The following SSBP2 variants were observed in gnomAD, a reference collection of about 807,000 sequenced individuals.
The protein encoded by SSBP2 is single stranded DNA binding protein 2, also known as single-stranded DNA-binding protein 2.
SSBP2 carries 17 observed loss-of-function variants against 61.8 expected under a neutral mutation model. The observed-to-expected ratio is 0.28, with a 90% CI of 0.19 to 0.41. The LOEUF (loss-of-function observed/expected upper bound fraction) is 0.41, where lower values mean the gene tolerates loss of function less well. Ranked by LOEUF, SSBP2 falls within the 10% of genes least tolerant of loss-of-function variation. The pLI is 1.00. For missense variants in SSBP2, 310 were observed against 458.7 expected (o/e 0.68, Z 2.96); for synonymous variants, 139 against 141.3 (o/e 0.98, Z 0.12).
At chr5:81,639,104 A>C (rs761367065) in intron 2 of SSBP2, among the ~76,000 whole-genome samples, 38 of 152,154 alleles carry the variant, frequency 2.5e-4, no homozygotes, top group Non-Finnish European at 8.8e-5. Context: ...TCACCCAGAA[A>C]CTTGCAAGAG....
At chr5:81,483,837 A>C (rs1766183156) in intron 6 of SSBP2, among the ~76,000 whole-genome samples, 1 of 152,136 alleles carries the variant, frequency 6.6e-6, no homozygotes, top group African/African-American at 2.4e-5. Flanking sequence ...TGCTGTTCAA[A>C]TTAAAAGCTC....
At chr5:81,571,943 C>G (rs1479684984) in intron 4 of SSBP2, among the ~76,000 whole-genome samples, 1 of 152,066 alleles carries the variant, frequency 6.6e-6, no homozygotes, top group Admixed American at 6.5e-5. Context: ...TTATACTTTT[C>G]CATGCCTTCC....
chr5:81,668,730 A>G (rs180706650), intron 1 of SSBP2, among the ~76,000 whole-genome samples: 1 of 152,204 alleles, frequency 6.6e-6, no homozygotes, highest in African/African-American at 2.4e-5. Context: ...TTACAAAAAA[A>G]TTTTGGAATA....
At chr5:81,704,959 T>C (rs999205041) in intron 1 of SSBP2, among the ~76,000 whole-genome samples, 6 of 152,116 alleles carry the variant, frequency 3.9e-5, no homozygotes, top group Admixed American at 1.3e-4. Flanking sequence ...ATATCACATT[T>C]CCAAATCTAT....
intron 4 of SSBP2, among the ~76,000 whole-genome samples, chr5:81,594,284 A>G (rs1249223387): frequency 2.0e-5 from 3 of 152,216 alleles, no homozygotes; most frequent in Non-Finnish European, 2.9e-5. Flanking sequence ...TTCAACAAGA[A>G]GAGCTAACTA....
chr5:81,582,561 G>C (rs1196564029), intron 4 of SSBP2, among the ~76,000 whole-genome samples: 2 of 152,110 alleles, frequency 1.3e-5, no homozygotes, highest in African/African-American at 4.8e-5. Flanking sequence ...GCTGAAACTT[G>C]ATAGTAAACA....
chr5:81,739,308 C>T (rs2154014836), intron 1 of SSBP2, among the ~76,000 whole-genome samples: 1 of 152,158 alleles, frequency 6.6e-6, no homozygotes, highest in African/African-American at 2.4e-5. Flanking sequence ...CTATATCATA[C>T]CTTTTAATGC....
At chr5:81,428,758 T>C (rs966495607) in intron 15 of SSBP2, 75 bp from the exon 16 acceptor site, 17 of 981,184 alleles carry the variant, frequency 1.7e-5, no homozygotes, top group Admixed American at 1.8e-5. Context: ...GTTTCGAATA[T>C]TGAAACAGCA....
chr5:81,515,647 G>A (rs982561861), intron 4 of SSBP2, among the ~76,000 whole-genome samples: 1 of 151,468 alleles, frequency 6.6e-6, no homozygotes, highest in Non-Finnish European at 1.5e-5. Flanking sequence ...AAAGAAACAT[G>A]TAAAATTCAC....
intron 5 of SSBP2, 72 bp from the exon 6 acceptor site, chr5:81,489,381 C>G: frequency 7.8e-7 from 1 of 1,289,586 alleles, no homozygotes; most frequent in Non-Finnish European, 1.1e-6. Flanking sequence ...TGAAAATAAA[C>G]TACTTAAAAA....
intron 3 of SSBP2, among the ~76,000 whole-genome samples, chr5:81,626,221 T>G (rs149482161): frequency 1.3e-5 from 2 of 152,256 alleles, no homozygotes; most frequent in Non-Finnish European, 2.9e-5. Flanking sequence ...TTCACTTTTA[T>G]AAAATTCTCA....
intron 5 of SSBP2, among the ~76,000 whole-genome samples, chr5:81,497,380 C>G (rs10041030): frequency 0.45 from 67,787 of 151,950 alleles, 19,190 homozygotes; most frequent in African/African-American, 0.81. Flanking sequence ...TATTTGGTTG[C>G]TTCAGTAGCT....
At chr5:81,580,369 C>A (rs2153472757) in intron 4 of SSBP2, among the ~76,000 whole-genome samples, 1 of 152,092 alleles carries the variant, frequency 6.6e-6, no homozygotes, top group East Asian at 1.9e-4. Flanking sequence ...GTGGTTATAT[C>A]CTTGACAGTG....
intron 1 of SSBP2, among the ~76,000 whole-genome samples, chr5:81,700,202 G>A (rs1753883198): frequency 1.3e-5 from 2 of 152,044 alleles, no homozygotes; most frequent in African/African-American, 4.8e-5. Context: ...TAATCCATAG[G>A]TTACAGAATG....
intron 4 of SSBP2, among the ~76,000 whole-genome samples, chr5:81,526,277 T>C (rs115529537): frequency 6.6e-6 from 1 of 152,028 alleles, no homozygotes; most frequent in Non-Finnish European, 1.5e-5. Flanking sequence ...GCATCTAATA[T>C]AACATATTTC....
At chr5:81,534,674 A>T (rs1770678534) in intron 4 of SSBP2, among the ~76,000 whole-genome samples, 1 of 152,138 alleles carries the variant, frequency 6.6e-6, no homozygotes, top group Admixed American at 6.6e-5. Flanking sequence ...GTCAAGAGAA[A>T]AAAGACTTAA....
chr5:81,597,202 T>C (rs1418414304), intron 4 of SSBP2, among the ~76,000 whole-genome samples: 1 of 152,076 alleles, frequency 6.6e-6, no homozygotes, highest in Admixed American at 6.5e-5. Flanking sequence ...GGGTGAAGGA[T>C]ATGAACAGAC....
chr5:81,510,091 T>C (rs887217716), intron 5 of SSBP2, among the ~76,000 whole-genome samples: 5 of 152,206 alleles, frequency 3.3e-5, no homozygotes, highest in Non-Finnish European at 5.9e-5. Flanking sequence ...TCTCATTCTG[T>C]ACTTTCTCCC....
At chr5:81,751,394 C>T (rs1463598688), upstream of SSBP2, 1 of 403,594 alleles carries the variant, frequency 2.5e-6, no homozygotes, top group African/African-American at 2.0e-5. Context: ...AGAAACTGCT[C>T]TAGAAGGATT....
Sources: gnomAD v4.1 joint callset for allele counts (sites outside exome capture counted in the v4.1 genomes callset) on GRCh38, gnomAD v4.1.1 for gene constraint, MANE v1.5 for transcripts, NCBI Gene and HGNC (gene_info 2026-07-23, HGNC 2026-07-21) for gene names.